Variants in FAM114A2 observed in about 807,000 individuals in gnomAD.
The protein encoded by FAM114A2 is protein FAM114A2.
In FAM114A2, 53 loss-of-function variants were observed where a neutral mutation model predicts 58.4. The ratio of observed to expected loss-of-function variants is 0.91; its 90% CI spans 0.73 to 1.14. The LOEUF is 1.14. Among genes scored for constraint, FAM114A2 ranks in the 50% most tolerant of loss-of-function variants. The pLI, the probability that FAM114A2 is intolerant of heterozygous loss-of-function variation, is 0.00. For missense variants in FAM114A2, 601 were observed against 581.1 expected (o/e 1.03, Z -0.35); for synonymous variants, 228 against 211.4 (o/e 1.08, Z -0.68).
rs1432657472 is a variant in FAM114A2, at chr5:154,002,314, G to A, written c.1193C>T (p.Ala398Val). ...CTGCTTCCTGCCATGCAGAACCAATGCAGCTGTTTTGTGGAATAGTTCAAT... is the reference window on the plus strand; with the variant it reads ...CTGCTTCCTGCCATGCAGAACCAATACAGCTGTTTTGTGGAATAGTTCAAT... ...CSIELFHKTA[A>V]LVLHGRKQEV... is the part of the protein sequence containing the mutation. Residue 398 changes from alanine (A) to valine (V), a missense_variant, in exon 11 of 14, where the codon GCA (alanine) becomes GTA (valine). Physicochemically the swap from Ala to Val is moderately conservative, Grantham distance 64. Transcript: ENST00000351797. 1.2e-6 allele frequency: 2 copies of A among 1,613,872 alleles called. No homozygotes were observed. Among genetic ancestry groups the A allele is most frequent in the East Asian group, 2.2e-5 (1 of 44,888 alleles).
intron 8 of FAM114A2, among the ~76,000 whole-genome samples, chr5:154,013,025 T>C (rs1174160392): frequency 2.0e-5 from 3 of 151,312 alleles, no homozygotes; most frequent in African/African-American, 7.3e-5. Context: ...AAATTATTTA[T>C]ATTCACATAT....
At chr5:154,020,930 C>T (rs539329643) in intron 8 of FAM114A2, among the ~76,000 whole-genome samples, 4 of 152,130 alleles carry the variant, frequency 2.6e-5, no homozygotes, top group African/African-American at 4.8e-5. Context: ...CAGCAGCACA[C>T]CAAAAAGCTT....
intron 8 of FAM114A2, among the ~76,000 whole-genome samples, chr5:154,016,051 A>C (rs1771019345): frequency 6.6e-6 from 1 of 152,140 alleles, no homozygotes; most frequent in South Asian, 2.1e-4. Flanking sequence ...AGGCCTTCAA[A>C]TTAACCCATT....
At chr5:154,019,502 C>T (rs77490580) in intron 8 of FAM114A2, among the ~76,000 whole-genome samples, 6 of 152,162 alleles carry the variant, frequency 3.9e-5, no homozygotes, top group Middle Eastern at 3.4e-3. Context: ...AAAATACCAC[C>T]GCCATTATTC....
rs1222236015 is a variant in FAM114A2, at chr5:153,991,929, C to A, written c.*1047G>T. On this transcript the variant is annotated 3_prime_UTR_variant, in exon 14 of 14. Transcript: ENST00000351797. ...GACAGCTTAATAGTCTCTTAAATTG[C>A]TGAAGAGAGCAAAAGAAAGCTTAAG... The A allele has an allele frequency of 1.3e-5, 2 of 151,916 alleles. No homozygotes were observed. Among genetic ancestry groups the A allele is most frequent in the Non-Finnish European group, 2.9e-5 (2 of 67,986 alleles). 9.4% of individuals were successfully genotyped at this position (151,916 alleles called of 1,614,324 possible). A position where few individuals can be genotyped will look rare whatever the true frequency, so the allele number is the denominator to read the frequency against.
In FAM114A2 at chr5:154,034,780, G is replaced by A; in HGVS notation, c.174C>T (p.Ser58=). 6.2e-7 allele frequency: 1 copy of A among 1,613,904 alleles called. No homozygotes were observed. The highest frequency in any genetic ancestry group is 8.5e-7 in the Non-Finnish European group (1 of 1,179,838). The change falls in exon 2 of 14, where the codon TCC becomes TCT. Residue 58 remains serine (S), a synonymous_variant. Coordinates refer to ENST00000351797, the MANE Select transcript of FAM114A2 (RefSeq NM_018691.4). ...STRKRPETKP[S]SDLETSKVLP... ...GAACTTTTGAAGTCTCAAGGTCACT[G>A]GAAGGTTTGGTCTCTGGTCTTTTCC... is the stretch of plus-strand genomic sequence containing the variant.
chr5:154,015,786 C>A (rs1320523180), intron 8 of FAM114A2, among the ~76,000 whole-genome samples: 2 of 151,910 alleles, frequency 1.3e-5, no homozygotes, highest in African/African-American at 4.8e-5. Context: ...CCTGATTCAA[C>A]TGAAAAAGAA....
chr5:154,014,664 TC>T (rs1770910450), intron 8 of FAM114A2, among the ~76,000 whole-genome samples: 1 of 151,842 alleles, frequency 6.6e-6, no homozygotes, highest in South Asian at 2.1e-4. Context: ...GCTCGCTGGG[TC>T]CCCTAGCAAG....
intron 8 of FAM114A2, among the ~76,000 whole-genome samples, chr5:154,018,096 C>T (rs958315686): frequency 6.6e-6 from 1 of 151,944 alleles, no homozygotes. Flanking sequence ...TTGAAACAAA[C>T]AAAAATACAA....
At chr5:153,999,261 G>A (rs746412452) in intron 11 of FAM114A2, among the ~76,000 whole-genome samples, 1 of 152,128 alleles carries the variant, frequency 6.6e-6, no homozygotes, top group East Asian at 1.9e-4. Flanking sequence ...CATCACTGAT[G>A]TATCAATCAT....
At chr5:153,997,940 A>C in intron 11 of FAM114A2, 65 bp from the exon 12 acceptor site, 4 of 991,110 alleles carry the variant, frequency 4.0e-6, no homozygotes, top group Non-Finnish European at 6.3e-6. Flanking sequence ...TATATTTAAC[A>C]ATTGTCAGAA....
At chr5:154,010,446 A>G (rs959999854) in intron 9 of FAM114A2, among the ~76,000 whole-genome samples, 1 of 152,176 alleles carries the variant, frequency 6.6e-6, no homozygotes, top group East Asian at 1.9e-4. Flanking sequence ...GGAGAGTGGG[A>G]TAACACACCA....
rs1769676684 is a variant in FAM114A2, at chr5:153,997,786, G to C, written c.1329+17C>G. The stretch of plus-strand genomic sequence containing the variant: ...AACCAGACAAACATTATTGCAGTAA[G>C]AGGCATGGATTCTTACCCCAGCAGT... On this transcript the variant is annotated intron_variant, in intron 12 of 13. Coordinates refer to ENST00000351797, the MANE Select transcript of FAM114A2 (RefSeq NM_018691.4). The C allele has an allele frequency of 6.9e-7, 1 of 1,442,922 alleles. No homozygotes were observed. Among genetic ancestry groups the C allele is most frequent in the Admixed American group, 1.7e-5 (1 of 58,674 alleles). 89.4% of individuals were successfully genotyped at this position (1,442,922 alleles called of 1,614,324 possible).
intron 8 of FAM114A2, among the ~76,000 whole-genome samples, chr5:154,021,617 A>G (rs890328885): frequency 6.6e-6 from 1 of 152,252 alleles, no homozygotes; most frequent in Non-Finnish European, 1.5e-5. Flanking sequence ...TTCAAGGAGA[A>G]CCACAAACCA....
intron 8 of FAM114A2, among the ~76,000 whole-genome samples, chr5:154,016,875 T>C (rs1441425917): frequency 6.6e-6 from 1 of 152,152 alleles, no homozygotes; most frequent in Non-Finnish European, 1.5e-5. Flanking sequence ...TCTGCTGCCT[T>C]CAAGAGATTA....
Position 154,026,383 on chromosome 5 carries a change from T to G in FAM114A2, c.913+16A>C. The stretch of plus-strand genomic sequence containing the variant: ...CACTGCATCCTCTCCACTCAGATAC[T>G]AAATTTTCATATTACCTTTTTTCTC... On this transcript the variant is annotated intron_variant, in intron 8 of 13. Coordinates refer to ENST00000351797, the MANE Select transcript of FAM114A2 (RefSeq NM_018691.4). 1 of 1,542,012 alleles carries G rather than the reference T, an allele frequency of 6.5e-7. No homozygotes were observed. The highest frequency in any genetic ancestry group is 1.3e-5 in the South Asian group (1 of 78,358).
chr5:154,028,264 C>T lies in FAM114A2; in HGVS notation c.515G>A (p.Gly172Glu), dbSNP rs147017359. The T allele has an allele frequency of 1.3e-5, 21 of 1,603,010 alleles. No homozygotes were observed. The highest frequency in any genetic ancestry group is 1.8e-5 in the Non-Finnish European group (21 of 1,171,064). ...VQSTGKSVISGGLDALEFIGK... is the reference protein window; with the variant it reads ...VQSTGKSVISEGLDALEFIGK... ...AATGAATTCTAAGGCATCCAAACCC[C>T]CACTTATAACACTCTTTCCCTAGAA... Residue 172 changes from glycine (G) to glutamate (E), a missense_variant, in exon 6 of 14, where the codon GGG becomes GAG. Physicochemically the swap from Gly to Glu is moderately conservative, Grantham distance 98 (BLOSUM62 -2). Transcript: ENST00000351797.
At chr5:154,006,571 T>C (rs1248918491) in intron 9 of FAM114A2, among the ~76,000 whole-genome samples, 1 of 151,706 alleles carries the variant, frequency 6.6e-6, no homozygotes, top group East Asian at 1.9e-4. Context: ...TAGGTTGGAG[T>C]AGTGAGGTTT....
At chr5:154,021,365 T>G (rs1198717187) in intron 8 of FAM114A2, among the ~76,000 whole-genome samples, 2 of 152,338 alleles carry the variant, frequency 1.3e-5, no homozygotes, top group East Asian at 3.9e-4. Context: ...TTGTCCCTGT[T>G]TGCAGATGAC....
Sources: allele counts gnomAD v4.1 joint callset (sites outside exome capture counted in the v4.1 genomes callset), GRCh38; gene constraint gnomAD v4.1.1; transcripts MANE v1.5; gene names NCBI Gene and HGNC (gene_info 2026-07-23, HGNC 2026-07-21).